IQCJ: variants seen among roughly 807,000 people sequenced by gnomAD.
IQCJ encodes the protein IQ domain-containing protein J.
IQCJ carries 9 observed loss-of-function variants against 11.0 expected under a neutral mutation model. The ratio of observed to expected loss-of-function variants is 0.82; its 90% confidence interval spans 0.49 to 1.43. IQCJ has a LOEUF of 1.43. IQCJ is among the 40% of genes most tolerant of loss of function. The pLI is 0.00. For synonymous variants in IQCJ, 55 were observed against 51.3 expected, an observed-to-expected ratio of 1.07 and a Z score of -0.31; for missense variants, 146 against 133.2, an observed-to-expected ratio of 1.10 and a Z score of -0.47.
At chr3:159,161,968 G>T (rs1283134014) in intron 1 of IQCJ, among the ~76,000 whole-genome samples, 1 of 152,186 alleles carries the variant, frequency 6.6e-6, no homozygotes, top group Non-Finnish European at 1.5e-5. Flanking sequence ...GTAGCGTGAT[G>T]CCTCCAGCTT....
intron 1 of IQCJ, among the ~76,000 whole-genome samples, chr3:159,103,238 G>A (rs963364829): frequency 3.3e-5 from 5 of 152,148 alleles, no homozygotes; most frequent in African/African-American, 9.7e-5. Context: ...GTTGTAAAAC[G>A]TATACACAAT....
intron 1 of IQCJ, among the ~76,000 whole-genome samples, chr3:159,140,520 G>A (rs918931477): frequency 7.9e-5 from 12 of 152,130 alleles, no homozygotes; most frequent in Non-Finnish European, 1.6e-4. Context: ...TATAAATTTT[G>A]TGCTAGTCCA....
At chr3:159,120,048 G>T (rs111778170) in intron 1 of IQCJ, among the ~76,000 whole-genome samples, 1 of 152,168 alleles carries the variant, frequency 6.6e-6, no homozygotes, top group South Asian at 2.1e-4. Flanking sequence ...TTATATACAT[G>T]TAGTACTTTA....
chr3:159,142,429 CCCCA>C (rs1560000944), intron 1 of IQCJ, among the ~76,000 whole-genome samples: 4 of 84,226 alleles, frequency 4.7e-5, no homozygotes, highest in Non-Finnish European at 1.1e-4. Context: ...CTTTTCCCCC[CCCCA>C]CCAGATGGAG....
At chr3:159,117,596 A>G (rs1719105303) in intron 1 of IQCJ, among the ~76,000 whole-genome samples, 1 of 152,360 alleles carries the variant, frequency 6.6e-6, no homozygotes, top group Non-Finnish European at 1.5e-5. Context: ...ACATAGTGGA[A>G]AAAGCTCTTG....
intron 1 of IQCJ, among the ~76,000 whole-genome samples, chr3:159,122,459 C>T (rs921132957): frequency 2.0e-5 from 3 of 152,188 alleles, no homozygotes; most frequent in Admixed American, 6.5e-5. Flanking sequence ...TTGAGAGATA[C>T]TTGACTTCCC....
At chr3:159,109,527 T>TTAAA (rs371645158) in intron 1 of IQCJ, among the ~76,000 whole-genome samples, 1 of 122,702 alleles carries the variant, frequency 8.1e-6, no homozygotes, top group South Asian at 3.0e-4. Context: ...TTGTATTAAC[T>TTAAA]AAAAAAAAAA....
chr3:159,206,105 T>G (rs1724644109), intron 1 of IQCJ, among the ~76,000 whole-genome samples: 1 of 152,228 alleles, frequency 6.6e-6, no homozygotes, highest in South Asian at 2.1e-4. Flanking sequence ...TGAAAATTTC[T>G]TCTTCCATTC....
chr3:159,088,323 A>G (rs1353327321), intron 1 of IQCJ, among the ~76,000 whole-genome samples: 2 of 152,050 alleles, frequency 1.3e-5, no homozygotes, highest in African/African-American at 4.8e-5. Context: ...TTTGCTGAGG[A>G]GAGCTTTACT....
intron 1 of IQCJ, among the ~76,000 whole-genome samples, chr3:159,234,644 A>T (rs939729698): frequency 6.6e-6 from 1 of 152,156 alleles, no homozygotes; most frequent in African/African-American, 2.4e-5. Flanking sequence ...AATAAAAATA[A>T]TGTTTTAAAT....
intron 1 of IQCJ, among the ~76,000 whole-genome samples, chr3:159,128,450 T>C (rs113234138): frequency 6.6e-6 from 1 of 152,328 alleles, no homozygotes; most frequent in African/African-American, 2.4e-5. Flanking sequence ...TGTCTTTTCC[T>C]CTGTCATTTT....
intron 1 of IQCJ, among the ~76,000 whole-genome samples, chr3:159,182,124 C>T (rs574691377): frequency 6.6e-6 from 1 of 151,958 alleles, no homozygotes; most frequent in Admixed American, 6.5e-5. Flanking sequence ...AGTTTCCTTG[C>T]TGTTTTTTCC....
chr3:159,134,691 C>G (rs1720186652), intron 1 of IQCJ, among the ~76,000 whole-genome samples: 1 of 152,154 alleles, frequency 6.6e-6, no homozygotes, highest in African/African-American at 2.4e-5. Flanking sequence ...CCAAACTTAT[C>G]TTTCTTGGTA....
chr3:159,185,614 T>G (rs1341124310), intron 1 of IQCJ, among the ~76,000 whole-genome samples: 1 of 152,224 alleles, frequency 6.6e-6, no homozygotes, highest in African/African-American at 2.4e-5. Flanking sequence ...TGACTCAGTA[T>G]CTGCAATGAA....
At chr3:159,235,615 T>C (rs1442995653) in intron 1 of IQCJ, among the ~76,000 whole-genome samples, 1 of 152,144 alleles carries the variant, frequency 6.6e-6, no homozygotes, top group Non-Finnish European at 1.5e-5. Context: ...AGTGTACCCT[T>C]CCAGAAGTAC....
chr3:159,250,232 A>G (rs1727516229), intron 2 of IQCJ, among the ~76,000 whole-genome samples: 1 of 152,216 alleles, frequency 6.6e-6, no homozygotes, highest in South Asian at 2.1e-4. Context: ...TAGTTTGGTG[A>G]GGATATATAA....
intron 1 of IQCJ, among the ~76,000 whole-genome samples, chr3:159,202,358 G>A (rs750812594): frequency 7.9e-5 from 12 of 152,226 alleles, no homozygotes; most frequent in Admixed American, 2.0e-4. Context: ...CTCAGGGCCA[G>A]ATGTTTTATC....
chr3:159,227,320 T>C (rs1725916402), intron 1 of IQCJ, among the ~76,000 whole-genome samples: 1 of 152,240 alleles, frequency 6.6e-6, no homozygotes, highest in African/African-American at 2.4e-5. Flanking sequence ...TGTAGATAAT[T>C]GGATTTCAAG....
intron 1 of IQCJ, among the ~76,000 whole-genome samples, chr3:159,191,444 A>G (rs1334806363): frequency 6.6e-6 from 1 of 152,170 alleles, no homozygotes; most frequent in Non-Finnish European, 1.5e-5. Flanking sequence ...TCTGAAATTC[A>G]TTGCTCAGTT....
Sources: allele counts gnomAD v4.1 joint callset (sites outside exome capture counted in the v4.1 genomes callset), GRCh38; gene constraint gnomAD v4.1.1; transcripts MANE v1.5; gene names NCBI Gene and HGNC (gene_info 2026-07-23, HGNC 2026-07-21).